Variants in ADGRG6 observed in about 807,000 individuals in gnomAD.
The protein encoded by ADGRG6 is G-protein coupled receptor 126.
ADGRG6 carries 84 observed loss-of-function variants against 142.4 expected under a neutral mutation model. The observed-to-expected ratio is 0.59, with a 90% CI of 0.49 to 0.71. ADGRG6 has a LOEUF of 0.71. ADGRG6 is among the 30% of genes least tolerant of loss of function. ADGRG6 has a pLI of 0.00. For missense variants in ADGRG6, 1,367 were observed against 1,466.6 expected (o/e 0.93, Z 1.11); for synonymous variants, 521 against 520.5 (o/e 1.00, Z -0.01).
rs760542668 is a variant in ADGRG6 at position 142,419,953 on chromosome 6, C to G, written c.3168C>G (p.Asn1056Lys). The G allele has an allele frequency of 1.2e-6, 2 of 1,613,448 alleles. No individual in the cohort carries two copies. Among genetic ancestry groups the G allele is most frequent in the Non-Finnish European group, 1.7e-6 (2 of 1,179,588 alleles). ...GTGGGAGGAATGGCAAGAGAAGCAA[C>G]CGGACCCTGAGAGAAGAAGTGTTAA... ...QICGRNGKRS[N>K]RTLREEVLRN... The change falls in exon 22 of 25, where the codon AAC (asparagine) becomes AAG (lysine). Residue 1056 changes from asparagine to lysine, a missense_variant. Coordinates refer to ENST00000367609, the MANE Select transcript of ADGRG6 (RefSeq NM_198569.3).
intron 2 of ADGRG6, among the ~76,000 whole-genome samples, chr6:142,355,589 C>T (rs1044666310): frequency 2.6e-5 from 4 of 152,114 alleles, no homozygotes; most frequent in African/African-American, 9.7e-5. Flanking sequence ...CACACCTCTG[C>T]TCTCCAGCGA....
intron 2 of ADGRG6, among the ~76,000 whole-genome samples, chr6:142,319,341 C>G (rs761172162): frequency 9.2e-5 from 14 of 152,066 alleles, no homozygotes; most frequent in Non-Finnish European, 1.6e-4. Flanking sequence ...TGTAAGAGCT[C>G]CTAAGTAAAA....
chr6:142,328,192 C>T (rs975915162), intron 2 of ADGRG6, among the ~76,000 whole-genome samples: 2 of 152,078 alleles, frequency 1.3e-5, no homozygotes, highest in Non-Finnish European at 2.9e-5. Context: ...TCCTTACATG[C>T]TTATCCTTTT....
intron 15 of ADGRG6, among the ~76,000 whole-genome samples, chr6:142,406,190 G>GTTTTTTTTTTTTT (rs3079341): frequency 6.7e-6 from 1 of 148,198 alleles, no homozygotes; most frequent in Non-Finnish European, 1.5e-5. Context: ...AAAGGAAAGG[G>GTTTTTTTTTTTTT]TTTTTTTTTT....
chr6:142,316,407 A>G (rs1458281725), intron 2 of ADGRG6, among the ~76,000 whole-genome samples: 6 of 152,184 alleles, frequency 3.9e-5, no homozygotes, highest in Non-Finnish European at 8.8e-5. Context: ...GGGCAAAACT[A>G]CAAGAATGAG....
At chr6:142,408,415 G>GA in intron 16 of ADGRG6, 146 bp downstream of exon 16, 1 of 539,110 alleles carries the variant, frequency 1.9e-6, no homozygotes, top group Non-Finnish European at 3.3e-6. Flanking sequence ...CAACTGATCA[G>GA]GTAGTGCTTT....
At chr6:142,423,784 G>C (rs1776791246) in intron 22 of ADGRG6, among the ~76,000 whole-genome samples, 2 of 139,680 alleles carry the variant, frequency 1.4e-5, no homozygotes, top group Non-Finnish European at 3.1e-5. Flanking sequence ...TCACGATATT[G>C]ATTCTTCCTA....
intron 4 of ADGRG6, among the ~76,000 whole-genome samples, chr6:142,375,364 T>C (rs9376689): frequency 6.6e-6 from 1 of 152,144 alleles, no homozygotes; most frequent in Non-Finnish European, 1.5e-5. Flanking sequence ...CCATTCCAAG[T>C]TGACGTTAAA....
intron 1 of ADGRG6, among the ~76,000 whole-genome samples, chr6:142,306,573 G>A (rs904673520): frequency 2.0e-5 from 3 of 151,948 alleles, no homozygotes; most frequent in Non-Finnish European, 2.9e-5. Context: ...ATAATCTTTA[G>A]GTTTCTTCCA....
chr6:142,384,504 A>G (rs961830929), intron 6 of ADGRG6, among the ~76,000 whole-genome samples: 2 of 152,196 alleles, frequency 1.3e-5, no homozygotes, highest in Non-Finnish European at 2.9e-5. Context: ...AGGAAAAGTC[A>G]GGTGAGTGGA....
intron 11 of ADGRG6, chr6:142,400,925 A>C (rs932175625): frequency 1.6e-5 from 3 of 186,688 alleles, no homozygotes; most frequent in African/African-American, 7.0e-5. Flanking sequence ...GAATTCCGAA[A>C]CTTTTTAACT....
chr6:142,326,493 G>A (rs1039201092), intron 2 of ADGRG6, among the ~76,000 whole-genome samples: 7 of 151,136 alleles, frequency 4.6e-5, no homozygotes, highest in African/African-American at 7.3e-5. Context: ...AATAGTGATC[G>A]TGAGTTTTCA....
chr6:142,363,495 A>C (rs544591409), intron 2 of ADGRG6, among the ~76,000 whole-genome samples: 4 of 152,340 alleles, frequency 2.6e-5, no homozygotes, highest in African/African-American at 9.6e-5. Context: ...TTACTGCTAA[A>C]TATTTGTAAG....
intron 22 of ADGRG6, among the ~76,000 whole-genome samples, chr6:142,434,485 C>T (rs117405175): frequency 0.081 from 12,323 of 152,036 alleles, 634 homozygotes; most frequent in East Asian, 0.25. Context: ...CCACCACATC[C>T]GGCTAATTTT....
At chr6:142,401,261 G>T (rs1227902413) in intron 11 of ADGRG6, among the ~76,000 whole-genome samples, 2 of 152,160 alleles carry the variant, frequency 1.3e-5, no homozygotes, top group Non-Finnish European at 2.9e-5. Flanking sequence ...GAGATGTATG[G>T]ACTTGAGTTT....
At chr6:142,333,153 T>A (rs1043491358) in intron 2 of ADGRG6, among the ~76,000 whole-genome samples, 1 of 152,200 alleles carries the variant, frequency 6.6e-6, no homozygotes, top group Non-Finnish European at 1.5e-5. Flanking sequence ...CAAGTCTTGA[T>A]TGAGACAGTA....
chr6:142,384,443 T>C (rs1034224790), intron 6 of ADGRG6, among the ~76,000 whole-genome samples: 1 of 152,150 alleles, frequency 6.6e-6, no homozygotes, highest in Non-Finnish European at 1.5e-5. Flanking sequence ...AATATACTTT[T>C]CTATTATTTA....
At chr6:142,431,739 A>T (rs544183537) in intron 22 of ADGRG6, among the ~76,000 whole-genome samples, 1 of 152,222 alleles carries the variant, frequency 6.6e-6, no homozygotes, top group South Asian at 2.1e-4. Flanking sequence ...CCTGGCAAAT[A>T]TGGTGAAGCC....
Position 142,370,339 on chromosome 6 carries a change from A to C in ADGRG6, c.615A>C (p.Ser205=). Reference sequence around the variant, plus strand: ...GTGATTGGACAGCTTTCTCCTACTCAAATGCATCCTTCACACAATTGCTCA... The same window carrying C: ...GTGATTGGACAGCTTTCTCCTACTCCAATGCATCCTTCACACAATTGCTCA... The part of the protein sequence containing the change: ...EDSDWTAFSY[S]NASFTQLLSF... Residue 205 remains serine (S), a synonymous_variant, in exon 4 of 25, where the codon TCA becomes TCC. Transcript: ENST00000367609. The C allele has an allele frequency of 6.2e-7, 1 of 1,613,762 alleles. No individual in the cohort carries two copies. The highest frequency in any genetic ancestry group is 8.5e-7 in the Non-Finnish European group (1 of 1,179,714).
Sources: gnomAD v4.1 joint callset for allele counts (sites outside exome capture counted in the v4.1 genomes callset) on GRCh38, gnomAD v4.1.1 for gene constraint, MANE v1.5 for transcripts, NCBI Gene and HGNC (gene_info 2026-07-23, HGNC 2026-07-21) for gene names.